The following DNAAF10 variants were observed in gnomAD, a reference collection of about 807,000 sequenced individuals.
DNAAF10 encodes the protein dynein axonemal assembly factor 10.
DNAAF10 carries 28 observed loss-of-function variants against 43.7 expected under a neutral mutation model. That is an observed-to-expected ratio of 0.64 (90% CI 0.48 to 0.88). The LOEUF (loss-of-function observed/expected upper bound fraction) is 0.88. Ranked by LOEUF, DNAAF10 falls within the 40% of genes least tolerant of loss-of-function variation. The pLI is 0.00. For synonymous variants in DNAAF10, 156 were observed against 157.3 expected (o/e 0.99, Z 0.06); for missense variants, 403 against 439.1 (o/e 0.92, Z 0.73).
chr2:68,135,494 T>G (rs1673018868), intron 6 of DNAAF10, among the ~76,000 whole-genome samples: 1 of 152,038 alleles, frequency 6.6e-6, no homozygotes, highest in Non-Finnish European at 1.5e-5. Flanking sequence ...AAGCAGCCAG[T>G]AAATCCATCC....
intron 4 of DNAAF10, among the ~76,000 whole-genome samples, chr2:68,140,863 TAC>T (rs1456202576): frequency 2.3e-4 from 35 of 152,192 alleles, no homozygotes; most frequent in Admixed American, 2.3e-3. Flanking sequence ...ACTAAAAACG[TAC>T]AGACTTCTTG....
chr2:68,130,105 G>GATATATATATATATATATATATAT lies in DNAAF10; in HGVS notation c.*1132_*1133insATATATATATATATATATATATAT. On this transcript the variant is annotated 3_prime_UTR_variant, in exon 8 of 8. Transcript: ENST00000295121. Reference sequence around the variant, plus strand: ...AAATCTAGACCAACCGTGCCGTTTTGAGAGAGAGAGATATATATATATATA... The same window carrying GATATATATATATATATATATATAT: ...AAATCTAGACCAACCGTGCCGTTTTGATATATATATATATATATATATATAGAGAGAGAGATATATATATATATA... 2.3e-5 allele frequency: 1 copy of GATATATATATATATATATATATAT among 43,044 alleles called. No individual in the cohort carries two copies. The highest frequency in any genetic ancestry group is 8.5e-5 in the African/African-American group (1 of 11,738). 2.7% of individuals were successfully genotyped at this position (43,044 alleles called of 1,614,324 possible).
intron 7 of DNAAF10, 26 bp from the exon 8 acceptor site, chr2:68,131,471 A>G (rs781748761): frequency 6.2e-7 from 1 of 1,608,348 alleles, no homozygotes; most frequent in Non-Finnish European, 8.5e-7. Flanking sequence ...AAATGGTAAG[A>G]GCGCATAAAT....
chr2:68,152,323 G>C (rs1021289683), intron 1 of DNAAF10, among the ~76,000 whole-genome samples: 3 of 152,164 alleles, frequency 2.0e-5, no homozygotes, highest in African/African-American at 7.2e-5. Flanking sequence ...CGTATTAAAC[G>C]TATTATGAAC....
At chr2:68,134,340 C>T in intron 7 of DNAAF10, 1 of 1,055,684 alleles carries the variant, frequency 9.5e-7, no homozygotes, top group South Asian at 3.0e-5. Flanking sequence ...TGGGGTCTAT[C>T]ACAATGATGT....
intron 1 of DNAAF10, among the ~76,000 whole-genome samples, chr2:68,154,657 GA>G (rs1275922794): frequency 6.6e-6 from 1 of 152,104 alleles, no homozygotes; most frequent in Non-Finnish European, 1.5e-5. Context: ...TGCTACAAAA[GA>G]AAATTATCTT....
intron 7 of DNAAF10, chr2:68,134,093 T>C: frequency 1.0e-6 from 1 of 977,548 alleles, no homozygotes; most frequent in Non-Finnish European, 1.2e-6. Context: ...CTCACAATTT[T>C]TATCAGACCT....
At chr2:68,134,537 T>C (rs1672991418) in intron 7 of DNAAF10, 165 bp downstream of exon 7, 1 of 1,477,022 alleles carries the variant, frequency 6.8e-7, no homozygotes. Flanking sequence ...TAAAGTATAT[T>C]CATACAAAAT....
intron 7 of DNAAF10, 144 bp from the exon 8 acceptor site, chr2:68,131,589 T>C: frequency 1.2e-6 from 1 of 806,444 alleles, no homozygotes; most frequent in Non-Finnish European, 1.9e-6. Context: ...ACTGAGTTGT[T>C]TGCAAATAAA....
At chr2:68,139,319 T>C (rs1275374231) in intron 4 of DNAAF10, among the ~76,000 whole-genome samples, 1 of 152,286 alleles carries the variant, frequency 6.6e-6, no homozygotes, top group East Asian at 1.9e-4. Context: ...CCTTTTGCCT[T>C]CTGCCATGAG....
At chr2:68,150,509 G>A (rs1198138108) in intron 1 of DNAAF10, among the ~76,000 whole-genome samples, 1 of 152,226 alleles carries the variant, frequency 6.6e-6, no homozygotes, top group East Asian at 1.9e-4. Context: ...GAGGCAGGCG[G>A]ATCACCTGAG....
intron 1 of DNAAF10, among the ~76,000 whole-genome samples, chr2:68,154,116 A>G (rs1328751107): frequency 6.6e-6 from 1 of 152,146 alleles, no homozygotes; most frequent in Non-Finnish European, 1.5e-5. Flanking sequence ...TAGGCTCTTT[A>G]GGAGAAAGGA....
intron 7 of DNAAF10, 168 bp downstream of exon 7, chr2:68,134,534 T>C: frequency 6.8e-7 from 1 of 1,475,328 alleles, no homozygotes; most frequent in Non-Finnish European, 8.9e-7. Context: ...GTGTAAAGTA[T>C]ATTCATACAA....
chr2:68,154,821 G>A (rs766001519), intron 1 of DNAAF10, among the ~76,000 whole-genome samples: 1 of 152,080 alleles, frequency 6.6e-6, no homozygotes, highest in Non-Finnish European at 1.5e-5. Context: ...CCAGGATGGA[G>A]TGCAGTGGTG....
chr2:68,143,518 A>G (rs7566180), intron 3 of DNAAF10, among the ~76,000 whole-genome samples: 3,559 of 152,282 alleles, frequency 0.023, 122 homozygotes, highest in African/African-American at 0.082. Flanking sequence ...ATTTATTCCA[A>G]AAGAGTTACA....
chr2:68,134,744 A>G lies in DNAAF10; in HGVS notation c.824T>C (p.Phe275Ser), dbSNP rs1558606438. Residue 275 changes from phenylalanine to serine, a missense_variant, in exon 7 of 8, where the codon TTT (phenylalanine) becomes TCT (serine). Coordinates refer to ENST00000295121, the MANE Select transcript of DNAAF10 (RefSeq NM_138458.4). ...GCCGCCGGCGCCTCCAGCTGTCAGA[A>G]AGAGCTCCCTGTTCTGCGGCAGGTG... ...VRHLPQNREL[F>S]LTAGGAGGLH... The G allele has an allele frequency of 6.2e-7, 1 of 1,609,416 alleles. No homozygotes were observed. Among genetic ancestry groups the G allele is most frequent in the Admixed American group, 1.7e-5 (1 of 58,402 alleles).
rs1562666 is a variant in DNAAF10, at chr2:68,141,833, G to A, written c.416-38C>T. On this transcript the variant is annotated intron_variant, in intron 3 of 7. Coordinates refer to ENST00000295121, the MANE Select transcript of DNAAF10 (RefSeq NM_138458.4). ...AAAGTGAGTTGGCAAAAATTCAAAA[G>A]TAAATGATTATGTTTCTTTTCTACA... The A allele has an allele frequency of 1.1e-3, 1,660 of 1,528,148 alleles. 34 individuals are homozygous for A. In the South Asian group the frequency reaches 0.017, roughly 16 times the overall value. 94.7% of individuals were successfully genotyped at this position (1,528,148 alleles called of 1,614,324 possible).
rs1553397043 is a variant in DNAAF10 at position 68,130,131 on chromosome 2, T to TATATA, written c.*1106_*1107insTATAT. On this transcript the variant is annotated 3_prime_UTR_variant, in exon 8 of 8. Transcript: ENST00000295121. ...AGAGAGAGAGATATATATATATATA[T>TATATA]TTGTTTTTTTTTTTTTTGAGACGGA... 2.3e-5 allele frequency: 3 copies of TATATA among 131,378 alleles called. No homozygotes were observed. Among genetic ancestry groups the TATATA allele is most frequent in the Non-Finnish European group, 3.3e-5 (2 of 60,768 alleles). 8.1% of individuals were successfully genotyped at this position (131,378 alleles called of 1,614,324 possible).
In DNAAF10 at chr2:68,131,071, A is replaced by G; in HGVS notation, c.*167T>C. On this transcript the variant is annotated 3_prime_UTR_variant, in exon 8 of 8. Coordinates refer to ENST00000295121, the MANE Select transcript of DNAAF10 (RefSeq NM_138458.4). Reference sequence around the variant, plus strand: ...GCTAGGACTACAGATGCCCGCCATGACACCCAGCAAATTTTTTTTTATATT... The same window carrying G: ...GCTAGGACTACAGATGCCCGCCATGGCACCCAGCAAATTTTTTTTTATATT... 1 of 571,754 alleles carries G rather than the reference A, an allele frequency of 1.7e-6. No homozygotes were observed. Among genetic ancestry groups the G allele is most frequent in the Non-Finnish European group, 3.0e-6 (1 of 337,316 alleles). The allele number at this position is 571,754 out of a possible 1,614,324, so 35.4% of individuals were successfully genotyped here.
Sources: gnomAD v4.1 joint callset for allele counts (sites outside exome capture counted in the v4.1 genomes callset) on GRCh38, gnomAD v4.1.1 for gene constraint, MANE v1.5 for transcripts, NCBI Gene and HGNC (gene_info 2026-07-23, HGNC 2026-07-21) for gene names.